PCDH9: variants seen among roughly 807,000 people sequenced by gnomAD.
PCDH9 encodes protocadherin-9.
PCDH9 carries 24 observed loss-of-function variants against 70.6 expected under a neutral mutation model. The observed-to-expected ratio is 0.34, with a 90% confidence interval of 0.25 to 0.48. PCDH9 has a LOEUF of 0.48. Among genes scored for constraint, PCDH9 ranks in the 20% least tolerant of loss-of-function variants. The pLI is 0.99. For missense variants in PCDH9, 1,281 were observed against 1,503.6 expected (o/e 0.85, Z 2.45); for synonymous variants, 562 against 558.5 (o/e 1.01, Z -0.09).
intron 4 of PCDH9, among the ~76,000 whole-genome samples, chr13:66,579,052 A>G (rs1033917338): frequency 6.6e-6 from 1 of 152,072 alleles, no homozygotes; most frequent in African/African-American, 2.4e-5. Context: ...ATCAACCAGT[A>G]AGGACTGGGA....
rs746294017 is a variant in PCDH9 at position 67,226,450 on chromosome 13, T to C, written c.1991A>G (p.Asn664Ser). ...GCTGTTGTCATTGACATCCATGACG[T>C]TGATAGTTACTTTTGCAGTAGAGGA... ...PRSSTAKVTINVMDVNDNSPV... is the reference protein window; with the variant it reads ...PRSSTAKVTISVMDVNDNSPV... The change falls in exon 2 of 5, where the codon AAC becomes AGC. Residue 664 changes from asparagine (N) to serine (S), a missense_variant. Asn to Ser is a conservative substitution (Grantham distance 46). This residue lies in a region of PCDH9 where 798 missense variants were observed against 1,003.1 expected (regional missense o/e 0.80). Transcript: ENST00000377865. This position sits in a 1 kb window ranked among gnomAD's most constrained non-coding sequence, Gnocchi z 5.0. The C allele has an allele frequency of 2.2e-5, 36 of 1,613,842 alleles. No homozygotes were observed. Among genetic ancestry groups the C allele is most frequent in the Non-Finnish European group, 3.0e-5 (35 of 1,179,868 alleles).
At chr13:66,836,307 T>C (rs1259658065) in intron 3 of PCDH9, among the ~76,000 whole-genome samples, 1 of 152,196 alleles carries the variant, frequency 6.6e-6, no homozygotes, top group African/African-American at 2.4e-5. Flanking sequence ...GGAGATTCAA[T>C]AATCTTTATG....
chr13:66,686,557 A>T (rs975243104), intron 3 of PCDH9, among the ~76,000 whole-genome samples: 3 of 152,222 alleles, frequency 2.0e-5, no homozygotes, highest in African/African-American at 4.8e-5. Flanking sequence ...ATTTATCTAT[A>T]TGCTGCAATA....
At chr13:66,440,384 T>G (rs1957950374) in intron 4 of PCDH9, among the ~76,000 whole-genome samples, 1 of 152,170 alleles carries the variant, frequency 6.6e-6, no homozygotes, top group South Asian at 2.1e-4. Context: ...AATTGATTAT[T>G]AATTTCCTGT....
At chr13:67,008,365 A>C (rs2084392295) in intron 2 of PCDH9, among the ~76,000 whole-genome samples, 1 of 152,180 alleles carries the variant, frequency 6.6e-6, no homozygotes. Context: ...CAGCTAGTAC[A>C]CAATCTATAA....
chr13:66,382,740 T>C (rs574426243), intron 4 of PCDH9, among the ~76,000 whole-genome samples: 1 of 152,146 alleles, frequency 6.6e-6, no homozygotes, highest in South Asian at 2.1e-4. Context: ...ATATTCTTAA[T>C]TATTTTGTGG....
chr13:66,571,522 T>C (rs527457110), intron 4 of PCDH9, among the ~76,000 whole-genome samples: 1 of 148,786 alleles, frequency 6.7e-6, no homozygotes, highest in African/African-American at 2.5e-5. Flanking sequence ...ACTAATGTTC[T>C]TTTTTTTTTA....
chr13:67,142,147 A>C (rs891052605), intron 2 of PCDH9, among the ~76,000 whole-genome samples: 2 of 152,144 alleles, frequency 1.3e-5, no homozygotes, highest in African/African-American at 4.8e-5. Flanking sequence ...TTAGATTAAG[A>C]ATGTGGAAAA....
chr13:66,435,369 C>T (rs1343875644), intron 4 of PCDH9, among the ~76,000 whole-genome samples: 1 of 151,984 alleles, frequency 6.6e-6, no homozygotes, highest in African/African-American at 2.4e-5. Flanking sequence ...TTATCTAGAG[C>T]ATATAAATTA....
chr13:66,531,063 A>T lies in PCDH9; in HGVS notation c.3340+100147T>A, dbSNP rs1269019359. Among the ~76,000 whole-genome samples the T allele has an allele frequency of 3.3e-5, 5 of 151,958 alleles. No individual in the cohort carries two copies. The East Asian group carries it at 9.7e-4, about 29-fold the overall frequency. On this transcript the variant is annotated intron_variant, in intron 4 of 4. Coordinates refer to ENST00000377865, the MANE Select transcript of PCDH9 (RefSeq NM_203487.3). ...GTGCCTTAAGAAAAAGGATTTTTAAAATAACTTGAAATGATTAAACAGTGT... is the reference window on the plus strand; with the variant it reads ...GTGCCTTAAGAAAAAGGATTTTTAATATAACTTGAAATGATTAAACAGTGT...
chr13:67,181,108 G>A (rs1262879579), intron 2 of PCDH9, among the ~76,000 whole-genome samples: 1 of 152,096 alleles, frequency 6.6e-6, no homozygotes, highest in Non-Finnish European at 1.5e-5. Flanking sequence ...CTTTACCTTA[G>A]GTGCGGTCCT....
At chr13:67,209,629 C>T (rs574266747) in intron 2 of PCDH9, 5 of 152,228 alleles carry the variant, frequency 3.3e-5, no homozygotes, top group East Asian at 1.9e-4. Flanking sequence ...AGTTATTAGA[C>T]GAGTAAGTAT....
chr13:67,116,854 A>G (rs2086786803), intron 2 of PCDH9, among the ~76,000 whole-genome samples: 1 of 152,174 alleles, frequency 6.6e-6, no homozygotes, highest in Non-Finnish European at 1.5e-5. Context: ...AAATGCAATC[A>G]AGGTGTCAAA....
chr13:66,932,153 T>C (rs775217085), intron 2 of PCDH9, among the ~76,000 whole-genome samples: 13 of 152,152 alleles, frequency 8.5e-5, no homozygotes, highest in Non-Finnish European at 1.8e-4. Context: ...TCCAGCTTAC[T>C]TGAAAGAGTA....
chr13:66,608,246 C>CA, intron 4 of PCDH9, among the ~76,000 whole-genome samples: 1 of 152,062 alleles, frequency 6.6e-6, no homozygotes, highest in East Asian at 1.9e-4. Flanking sequence ...AAAGAGTTTA[C>CA]ACATTATCAT....
chr13:66,352,948 A>G (rs1012047910), intron 4 of PCDH9, among the ~76,000 whole-genome samples: 1 of 152,132 alleles, frequency 6.6e-6, no homozygotes, highest in Non-Finnish European at 1.5e-5. Flanking sequence ...CCATTAAATG[A>G]TAGCCATGAC....
At chr13:67,020,844 T>C (rs2139860156) in intron 2 of PCDH9, among the ~76,000 whole-genome samples, 1 of 152,318 alleles carries the variant, frequency 6.6e-6, no homozygotes, top group East Asian at 1.9e-4. Flanking sequence ...TCCTATGGGA[T>C]TATGGTATAT....
intron 2 of PCDH9, among the ~76,000 whole-genome samples, chr13:67,193,474 C>A (rs1306058550): frequency 6.6e-6 from 1 of 151,730 alleles, no homozygotes; most frequent in Non-Finnish European, 1.5e-5. Flanking sequence ...ATATTTAACA[C>A]AATAAAAATA....
intron 2 of PCDH9, among the ~76,000 whole-genome samples, chr13:67,183,798 T>C (rs1233437729): frequency 6.6e-6 from 1 of 152,158 alleles, no homozygotes; most frequent in Non-Finnish European, 1.5e-5. Context: ...GAGGTTGCAA[T>C]GTTTTGAATT....
Sources: allele counts gnomAD v4.1 joint callset (sites outside exome capture counted in the v4.1 genomes callset), GRCh38; gene constraint gnomAD v4.1.1; regional missense constraint gnomAD v4.1.1; non-coding constraint Gnocchi (gnomAD v3.1); transcripts MANE v1.5; gene names NCBI Gene and HGNC (gene_info 2026-07-23, HGNC 2026-07-21).